Variants in NRG1 observed in about 807,000 individuals in gnomAD.
The protein encoded by NRG1 is neuregulin 1, also known as pro-neuregulin-1, membrane-bound isoform.
A neutral mutation model predicts 63.8 loss-of-function variants in NRG1; 18 were observed. The observed-to-expected ratio is 0.28, with a 90% CI of 0.19 to 0.42. The LOEUF is 0.42. Among genes scored for constraint, NRG1 ranks in the 10% least tolerant of loss-of-function variants. The pLI is 1.00. For missense variants in NRG1, 762 were observed against 814.7 expected (o/e 0.94, Z 0.79); for synonymous variants, 302 against 301.3 (o/e 1.00, Z -0.02).
chr8:31,689,652 A>T (rs77729732), intron 1 of NRG1, among the ~76,000 whole-genome samples: 2,178 of 152,134 alleles, frequency 0.014, 60 homozygotes, highest in African/African-American at 0.051. Flanking sequence ...GTTCTTTAAG[A>T]TGGGGGCTAT....
intron 1 of NRG1, among the ~76,000 whole-genome samples, chr8:31,871,314 A>G (rs748160571): frequency 6.6e-6 from 1 of 152,132 alleles, no homozygotes; most frequent in Non-Finnish European, 1.5e-5. Context: ...ATTCTGTGAC[A>G]CGGTAAATGA....
chr8:32,725,753 C>G (rs779417678), intron 5 of NRG1, among the ~76,000 whole-genome samples: 1 of 151,878 alleles, frequency 6.6e-6, no homozygotes, highest in Non-Finnish European at 1.5e-5. Flanking sequence ...GGATTACAGG[C>G]GTGATCCACC....
In NRG1 at chr8:31,811,769, A is replaced by T. The variant is rs1409927030; in HGVS notation, c.37+172338A>T. ...GGGTTTGAGGGTGGAAAAGTTTATTAAGAGATTGTAATTTAACGAAAGAGA... is the reference window on the plus strand; with the variant it reads ...GGGTTTGAGGGTGGAAAAGTTTATTTAGAGATTGTAATTTAACGAAAGAGA... On this transcript the variant is annotated intron_variant, in intron 1 of 10. Coordinates refer to the NRG1 transcript ENST00000519301. Among the ~76,000 whole-genome samples, 5 of 152,292 alleles carry T rather than the reference A, an allele frequency of 3.3e-5. No homozygotes were observed. The East Asian group carries it at 9.6e-4, about 29-fold the overall frequency.
chr8:31,731,273 C>T (rs370680657), intron 1 of NRG1, among the ~76,000 whole-genome samples: 3 of 151,956 alleles, frequency 2.0e-5, no homozygotes, highest in Non-Finnish European at 4.4e-5. Flanking sequence ...AAATACTAAC[C>T]GAAGTCCACA....
At chr8:32,347,713 A>C (rs909208610) in intron 1 of NRG1, among the ~76,000 whole-genome samples, 2 of 152,198 alleles carry the variant, frequency 1.3e-5, no homozygotes, top group African/African-American at 4.8e-5. Flanking sequence ...AACAGCCCAG[A>C]AATGGTTTCA....
At chr8:32,527,894 C>A (rs1831037988) in intron 1 of NRG1, among the ~76,000 whole-genome samples, 1 of 152,156 alleles carries the variant, frequency 6.6e-6, no homozygotes, top group South Asian at 2.1e-4. Context: ...ACAGCGCCAC[C>A]TTCAGAATAT....
intron 1 of NRG1, among the ~76,000 whole-genome samples, chr8:31,910,706 A>G (rs1055420336): frequency 6.6e-6 from 1 of 152,320 alleles, no homozygotes; most frequent in East Asian, 1.9e-4. Flanking sequence ...TGATACGTAA[A>G]CAGGAATACA....
intron 1 of NRG1, among the ~76,000 whole-genome samples, chr8:32,154,670 C>T (rs1387585635): frequency 6.6e-6 from 1 of 152,234 alleles, no homozygotes; most frequent in Non-Finnish European, 1.5e-5. Flanking sequence ...TCAAATTCCA[C>T]TTGCTCTGCC....
At chr8:32,616,357 G>A (rs530363261) in intron 4 of NRG1, among the ~76,000 whole-genome samples, 91 of 152,074 alleles carry the variant, frequency 6.0e-4, no homozygotes, top group African/African-American at 2.1e-3. Flanking sequence ...TTTCTGGTCC[G>A]GATGTTTATG....
At position 32,341,728 on chromosome 8, in the gene NRG1, G is replaced by A. The variant is rs540520945; in HGVS notation, c.38-254100G>A. ...TTCTTAAATAAAACCAAGTTGTATC[G>A]TTGAAGAGCAGATAAAGCAAAGACA... On this transcript the variant is annotated intron_variant, in intron 1 of 10. Coordinates refer to the NRG1 transcript ENST00000519301. Among the ~76,000 whole-genome samples the A allele has an allele frequency of 8.5e-4, 130 of 152,290 alleles. 1 individual carries two copies. Among genetic ancestry groups the A allele is most frequent in the African/African-American group, 2.7e-3 (112 of 41,560 alleles).
chr8:32,005,310 C>A (rs1813595418), intron 1 of NRG1, among the ~76,000 whole-genome samples: 1 of 151,866 alleles, frequency 6.6e-6, no homozygotes, highest in Non-Finnish European at 1.5e-5. Flanking sequence ...TACATTTTCC[C>A]TGAAGTTATA....
At chr8:32,446,369 T>G (rs1444444705) in intron 1 of NRG1, among the ~76,000 whole-genome samples, 1 of 152,126 alleles carries the variant, frequency 6.6e-6, no homozygotes, top group Non-Finnish European at 1.5e-5. Flanking sequence ...AAGACTAATT[T>G]CTTGACTAGG....
chr8:31,639,620 C>T, intron 1 of NRG1: 2 of 1,409,078 alleles, frequency 1.4e-6, no homozygotes, highest in Non-Finnish European at 1.9e-6. Context: ...CCTCCACCTC[C>T]ACGTCCTCCT....
intron 1 of NRG1, among the ~76,000 whole-genome samples, chr8:31,817,618 G>C (rs75561985): frequency 0.018 from 2,667 of 152,208 alleles, 86 homozygotes; most frequent in African/African-American, 0.061. Context: ...GTAGAGCTAG[G>C]AATATTCCCT....
At chr8:32,148,560 G>C (rs751785915) in intron 1 of NRG1, among the ~76,000 whole-genome samples, 2 of 152,018 alleles carry the variant, frequency 1.3e-5, no homozygotes, top group African/African-American at 4.8e-5. Flanking sequence ...CACCACGCCC[G>C]GCTAATTTTT....
chr8:32,570,913 C>A (rs1209338544), intron 1 of NRG1, among the ~76,000 whole-genome samples: 1 of 152,060 alleles, frequency 6.6e-6, no homozygotes. Flanking sequence ...GTTTGTCATG[C>A]CCAGAAAGTT....
intron 1 of NRG1, among the ~76,000 whole-genome samples, chr8:32,369,930 G>A (rs1231599692): frequency 6.6e-6 from 1 of 152,116 alleles, no homozygotes; most frequent in Non-Finnish European, 1.5e-5. Flanking sequence ...AAAGGGCTGT[G>A]ATCCCAAAAC....
At chr8:32,475,642 C>T (rs895165610) in intron 1 of NRG1, among the ~76,000 whole-genome samples, 21 of 151,894 alleles carry the variant, frequency 1.4e-4, no homozygotes, top group Admixed American at 4.6e-4. Flanking sequence ...TACTCCTGGG[C>T]TCAAAATGAT....
intron 1 of NRG1, among the ~76,000 whole-genome samples, chr8:32,117,829 C>A (rs1401222458): frequency 6.6e-6 from 1 of 152,054 alleles, no homozygotes; most frequent in Non-Finnish European, 1.5e-5. Context: ...AGTGTATCCA[C>A]AGATTACTAT....
Sources: allele counts gnomAD v4.1 joint callset (sites outside exome capture counted in the v4.1 genomes callset), GRCh38; gene constraint gnomAD v4.1.1; transcripts MANE v1.5; gene names NCBI Gene and HGNC (gene_info 2026-07-23, HGNC 2026-07-21).